NCALD: variants seen among roughly 807,000 people sequenced by gnomAD.
NCALD encodes neurocalcin delta, also known as neurocalcin-delta.
NCALD carries 10 observed loss-of-function variants against 18.6 expected under a neutral mutation model. The observed-to-expected ratio is 0.54, with a 90% CI of 0.33 to 0.91. The LOEUF is 0.91. Ranked by LOEUF, NCALD falls within the 40% of genes least tolerant of loss-of-function variation. The pLI is 0.03. For missense variants in NCALD, 184 were observed against 247.6 expected (o/e 0.74, Z 1.72); for synonymous variants, 88 against 87.4 (o/e 1.01, Z -0.04).
At chr8:102,086,713 T>C (rs573962666) in intron 1 of NCALD, among the ~76,000 whole-genome samples, 1 of 152,320 alleles carries the variant, frequency 6.6e-6, no homozygotes, top group South Asian at 2.1e-4. Context: ...CAAATCCTTC[T>C]TGAATAGGGG....
chr8:101,753,369 A>G (rs543980954), intron 1 of NCALD, among the ~76,000 whole-genome samples: 1 of 152,274 alleles, frequency 6.6e-6, no homozygotes, highest in South Asian at 2.1e-4. Context: ...TTTAAGGTAG[A>G]ATTAGGAACT....
At chr8:101,792,910 A>T (rs1396755252), upstream of NCALD, among the ~76,000 whole-genome samples, 1 of 151,986 alleles carries the variant, frequency 6.6e-6, no homozygotes, top group Non-Finnish European at 1.5e-5. Flanking sequence ...AAAAAAAAAA[A>T]TGCCTAAAAT....
intron 2 of NCALD, among the ~76,000 whole-genome samples, chr8:101,983,653 C>G (rs1483755080): frequency 2.6e-5 from 4 of 152,216 alleles, no homozygotes; most frequent in African/African-American, 9.6e-5. Context: ...ACTCCCTACC[C>G]TTCTCCACAC....
chr8:102,095,188 A>T (rs991064937), intron 1 of NCALD, among the ~76,000 whole-genome samples: 1 of 152,160 alleles, frequency 6.6e-6, no homozygotes, highest in Non-Finnish European at 1.5e-5. Flanking sequence ...GGAGCTGGGA[A>T]TGTGTCCAAT....
At chr8:101,780,943 T>C (rs1811987965) in intron 1 of NCALD, among the ~76,000 whole-genome samples, 1 of 152,166 alleles carries the variant, frequency 6.6e-6, no homozygotes, top group Non-Finnish European at 1.5e-5. Flanking sequence ...CTTGGTTCAT[T>C]AACAGTATAG....
intron 1 of NCALD, among the ~76,000 whole-genome samples, chr8:101,759,622 C>T: frequency 6.6e-6 from 1 of 152,108 alleles, no homozygotes; most frequent in Non-Finnish European, 1.5e-5. Context: ...TTCTGCCACA[C>T]AATAAGGAGT....
chr8:101,921,324 G>A (rs1481133254), intron 2 of NCALD, among the ~76,000 whole-genome samples: 2 of 150,918 alleles, frequency 1.3e-5, no homozygotes, highest in Non-Finnish European at 2.9e-5. Flanking sequence ...CTTTTATTAG[G>A]AATAAAATAT....
chr8:101,980,524 CAAA>C (rs1432463551), intron 2 of NCALD, among the ~76,000 whole-genome samples: 1 of 152,082 alleles, frequency 6.6e-6, no homozygotes, highest in African/African-American at 2.4e-5. Context: ...AACAAGAAGG[CAAA>C]GTATCTGGAA....
intron 1 of NCALD, among the ~76,000 whole-genome samples, chr8:102,119,633 C>A (rs1382827603): frequency 6.6e-6 from 1 of 152,184 alleles, no homozygotes; most frequent in Non-Finnish European, 1.5e-5. Context: ...TATTGCTTGC[C>A]TATGGCACAA....
At chr8:102,085,333 A>G (rs1824701202) in intron 1 of NCALD, among the ~76,000 whole-genome samples, 1 of 152,222 alleles carries the variant, frequency 6.6e-6, no homozygotes, top group Admixed American at 6.5e-5. Flanking sequence ...CACATCTGGG[A>G]GTTCCCAGTC....
chr8:102,013,505 T>C (rs1423072574), intron 2 of NCALD, among the ~76,000 whole-genome samples: 1 of 152,136 alleles, frequency 6.6e-6, no homozygotes, highest in Admixed American at 6.5e-5. Flanking sequence ...CCTTTGCAGC[T>C]AAGGGTGACC....
At chr8:101,894,627 A>G (rs1354033133) in intron 3 of NCALD, among the ~76,000 whole-genome samples, 1 of 148,174 alleles carries the variant, frequency 6.7e-6, no homozygotes. Context: ...AAAACTAATA[A>G]AGAAAAAAAG....
chr8:102,060,478 A>T (rs1396283704), intron 1 of NCALD, among the ~76,000 whole-genome samples: 1 of 152,106 alleles, frequency 6.6e-6, no homozygotes, highest in Non-Finnish European at 1.5e-5. Flanking sequence ...GTAAATACTA[A>T]TTTCCTTCCT....
intron 1 of NCALD, among the ~76,000 whole-genome samples, chr8:101,771,177 C>T (rs1395083688): frequency 1.3e-5 from 2 of 152,188 alleles, no homozygotes; most frequent in Non-Finnish European, 1.5e-5. Context: ...CAAGATATGG[C>T]GCCCACACAA....
At chr8:102,041,151 AT>A (rs1195226101) in intron 1 of NCALD, among the ~76,000 whole-genome samples, 4 of 152,152 alleles carry the variant, frequency 2.6e-5, no homozygotes, top group Non-Finnish European at 5.9e-5. Flanking sequence ...CCTTTCTTTT[AT>A]TATCTGCACT....
chr8:102,058,347 A>G (rs950798293), intron 1 of NCALD, among the ~76,000 whole-genome samples: 13 of 152,252 alleles, frequency 8.5e-5, no homozygotes, highest in Non-Finnish European at 1.6e-4. Context: ...GGCTTACCCA[A>G]TAAATTTCTG....
chr8:102,043,573 T>G (rs1185579849), intron 1 of NCALD, among the ~76,000 whole-genome samples: 1 of 151,590 alleles, frequency 6.6e-6, no homozygotes, highest in African/African-American at 2.4e-5. Context: ...TGAACTAGAA[T>G]GGGACTTGAA....
intron 2 of NCALD, among the ~76,000 whole-genome samples, chr8:101,942,886 A>G (rs774169502): frequency 4.6e-5 from 7 of 152,172 alleles, no homozygotes; most frequent in Non-Finnish European, 1.0e-4. Context: ...TCCAATTACC[A>G]TCTCATATTT....
In NCALD at chr8:101,994,938, G is replaced by C. The variant is rs114350262; in HGVS notation, c.-157+25299C>G. On this transcript the variant is annotated intron_variant, in intron 2 of 6. Transcript: ENST00000311028. ...TTTAAAATTTGAAAGAAAAATAACAGCTACTTTGTAGGATTGCTGAGGATC... is the reference window on the plus strand; with the variant it reads ...TTTAAAATTTGAAAGAAAAATAACACCTACTTTGTAGGATTGCTGAGGATC... Among the ~76,000 whole-genome samples the C allele has an allele frequency of 3.2e-3, 484 of 152,286 alleles. 1 individual carries two copies. Among genetic ancestry groups the C allele is most frequent in the African/African-American group, 9.9e-3 (413 of 41,570 alleles).
Sources: allele counts gnomAD v4.1 joint callset (sites outside exome capture counted in the v4.1 genomes callset), GRCh38; gene constraint gnomAD v4.1.1; transcripts MANE v1.5; gene names NCBI Gene and HGNC (gene_info 2026-07-23, HGNC 2026-07-21).